TMPRSS6: variants seen among roughly 807,000 people sequenced by gnomAD.
TMPRSS6 encodes transmembrane serine protease 6, also known as transmembrane protease serine 6.
In TMPRSS6, 67 loss-of-function variants were observed where a neutral mutation model predicts 101.5. The ratio of observed to expected loss-of-function variants is 0.66; its 90% CI spans 0.54 to 0.81. TMPRSS6 has a LOEUF of 0.81. TMPRSS6 is among the 30% of genes least tolerant of loss of function. The pLI, the probability that TMPRSS6 is intolerant of heterozygous loss-of-function variation, is 0.00. For missense variants in TMPRSS6, 1,034 were observed against 1,088.7 expected (o/e 0.95, Z 0.71); for synonymous variants, 453 against 464.9 (o/e 0.97, Z 0.33).
At chr22:37,085,316 T>C (rs997746057) in intron 8 of TMPRSS6, among the ~76,000 whole-genome samples, 23 of 152,066 alleles carry the variant, frequency 1.5e-4, no homozygotes, top group African/African-American at 5.1e-4. Flanking sequence ...CATCTCTCCA[T>C]TGGGCCAGGG....
rs552924981 is a variant in TMPRSS6, at chr22:37,089,445, G to A, written c.836+133C>T. 308 of 868,254 alleles carry A rather than the reference G, an allele frequency of 3.5e-4. 1 individual carries two copies. The African/African-American group carries it at 3.8e-3, about 11-fold the overall frequency. The allele number at this position is 868,254 out of a possible 1,614,324, so 53.8% of individuals were successfully genotyped here. On this transcript the variant is annotated intron_variant, in intron 7 of 17. Transcript: ENST00000676104. ...CTCCCCTATCCCCTCTAAGCTAGCC[G>A]TCCTGTCTCCCAGATACCCAGGCCC...
chr22:37,080,873 G>T (rs1266862318), intron 10 of TMPRSS6, among the ~76,000 whole-genome samples: 1 of 152,276 alleles, frequency 6.6e-6, no homozygotes, highest in Non-Finnish European at 1.5e-5. Context: ...AGCTGGCATG[G>T]GCCGCTAGAG....
At chr22:37,086,495 TG>T in intron 7 of TMPRSS6, 76 bp from the exon 8 acceptor site, 10 of 1,212,060 alleles carry the variant, frequency 8.3e-6, no homozygotes, top group South Asian at 3.9e-5. Flanking sequence ...AGGCGGCTGC[TG>T]GGGGAGGGTG....
intron 6 of TMPRSS6, 26 bp downstream of exon 6, chr22:37,095,524 TG>T: frequency 1.2e-6 from 2 of 1,601,338 alleles, no homozygotes; most frequent in African/African-American, 2.8e-5. Flanking sequence ...AAAAGGAAAA[TG>T]GGGAGGGGAA....
intron 8 of TMPRSS6, 114 bp downstream of exon 8, chr22:37,086,169 C>CCTCT: frequency 1.4e-6 from 2 of 1,441,224 alleles, no homozygotes; most frequent in African/African-American, 2.8e-5. Flanking sequence ...CAGAATCTTC[C>CCTCT]CTCTCCCCAT....
chr22:37,106,155 AAGGCACAGAG>A (rs3830741), intron 1 of TMPRSS6, among the ~76,000 whole-genome samples: 36,758 of 151,872 alleles, frequency 0.24, 4,577 homozygotes, highest in South Asian at 0.39. Context: ...TGGGAGAGTC[AAGGCACAGAG>A]AGGTTGAGCA....
At chr22:37,084,172 G>C in intron 10 of TMPRSS6, 123 bp downstream of exon 10, 1 of 858,246 alleles carries the variant, frequency 1.2e-6, no homozygotes, top group African/African-American at 1.7e-5. Context: ...GCCTCTGCTC[G>C]CTCCCCTTGC....
At chr22:37,092,684 T>G (rs1405106324) in intron 6 of TMPRSS6, among the ~76,000 whole-genome samples, 2 of 152,188 alleles carry the variant, frequency 1.3e-5, no homozygotes, top group African/African-American at 4.8e-5. Flanking sequence ...TCAGTAGAGA[T>G]GGGGTTTTGC....
intron 11 of TMPRSS6, 87 bp from the exon 12 acceptor site, chr22:37,074,795 C>A: frequency 7.2e-7 from 1 of 1,387,384 alleles, no homozygotes; most frequent in African/African-American, 1.4e-5. Flanking sequence ...ACGCATGCAC[C>A]TGTTCACTCA....
At chr22:37,105,364 C>A (rs1930648428) in intron 1 of TMPRSS6, among the ~76,000 whole-genome samples, 1 of 152,220 alleles carries the variant, frequency 6.6e-6, no homozygotes, top group African/African-American at 2.4e-5. Flanking sequence ...TGGTAAACGT[C>A]CGGCAACGGG....
At chr22:37,108,227 G>A (rs1384478901) in intron 1 of TMPRSS6, among the ~76,000 whole-genome samples, 2 of 152,128 alleles carry the variant, frequency 1.3e-5, no homozygotes, top group African/African-American at 2.4e-5. Flanking sequence ...GCTTGTTCAC[G>A]GCCAGGCGTC....
rs6147615 is a variant in TMPRSS6, at chr22:37,094,543, TGATAGATA to T, written c.631+1000_631+1007del. ...ACAAGCAGACAGATATCAACAGAGA[TGATAGATA>T]GATAGATAGATAGATAGACAAATAG... On this transcript the variant is annotated intron_variant, in intron 6 of 17. Transcript: ENST00000676104. Among the ~76,000 whole-genome samples the T allele has an allele frequency of 1.5e-4, 23 of 150,836 alleles. No individual in the cohort carries two copies. In the East Asian group the frequency reaches 3.7e-3, roughly 24 times the overall value.
intron 10 of TMPRSS6, among the ~76,000 whole-genome samples, chr22:37,076,028 GAGAAAGAA>G (rs72294405): frequency 2.0e-5 from 3 of 148,624 alleles, no homozygotes; most frequent in African/African-American, 7.5e-5. Context: ...GAAAGAGAAA[GAGAAAGAA>G]AGAAAGGGAG....
At chr22:37,075,071 G>C (rs1161471186) in intron 11 of TMPRSS6, 64 bp downstream of exon 11, 4 of 1,611,434 alleles carry the variant, frequency 2.5e-6, no homozygotes, top group Non-Finnish European at 3.4e-6. Flanking sequence ...CCCCTTGGTG[G>C]TTCCAGGGAT....
At chr22:37,093,891 C>T (rs1929498207) in intron 6 of TMPRSS6, among the ~76,000 whole-genome samples, 1 of 151,886 alleles carries the variant, frequency 6.6e-6, no homozygotes, top group Non-Finnish European at 1.5e-5. Context: ...GGCATGGTGG[C>T]AGGCACCTGT....
At chr22:37,097,814 A>G (rs113692714) in intron 3 of TMPRSS6, among the ~76,000 whole-genome samples, 23 of 112,622 alleles carry the variant, frequency 2.0e-4, no homozygotes, top group Admixed American at 3.5e-4. Context: ...GAGGGGCAGG[A>G]GCGGCCACCG....
At chr22:37,073,197 T>C (rs780655680) in intron 13 of TMPRSS6, among the ~76,000 whole-genome samples, 2 of 151,704 alleles carry the variant, frequency 1.3e-5, no homozygotes, top group African/African-American at 2.4e-5. Flanking sequence ...GATGGAACAG[T>C]GGCCATATAG....
intron 7 of TMPRSS6, among the ~76,000 whole-genome samples, chr22:37,088,702 G>A (rs1928979662): frequency 6.6e-6 from 1 of 151,792 alleles, no homozygotes; most frequent in Non-Finnish European, 1.5e-5. Context: ...ACTTTCAATA[G>A]CTCCCCACTT....
intron 1 of TMPRSS6, among the ~76,000 whole-genome samples, chr22:37,107,535 C>A (rs1930788797): frequency 1.3e-5 from 2 of 151,508 alleles, no homozygotes; most frequent in Admixed American, 6.6e-5. Flanking sequence ...TCATCTGTCA[C>A]CTCGACTCCT....
Sources: allele counts gnomAD v4.1 joint callset (sites outside exome capture counted in the v4.1 genomes callset), GRCh38; gene constraint gnomAD v4.1.1; transcripts MANE v1.5; gene names NCBI Gene and HGNC (gene_info 2026-07-23, HGNC 2026-07-21).